The following CFAP221 variants were observed in gnomAD, a reference collection of about 807,000 sequenced individuals.
The protein encoded by CFAP221 is cilia- and flagella-associated protein 221.
In CFAP221, 97 loss-of-function variants were observed where a neutral mutation model predicts 113.1. That is an observed-to-expected ratio of 0.86 (90% CI 0.73 to 1.02). CFAP221 has a LOEUF of 1.02. CFAP221 is among the 50% of genes least tolerant of loss of function. The pLI is 0.00. For missense variants in CFAP221, 1,025 were observed against 1,013.4 expected, an observed-to-expected ratio of 1.01 and a Z score of -0.16; for synonymous variants, 331 against 354.4, an observed-to-expected ratio of 0.93 and a Z score of 0.74.
At chr2:119,639,916 TG>T in intron 21 of CFAP221, 44 bp downstream of exon 21, 1 of 1,495,630 alleles carries the variant, frequency 6.7e-7, no homozygotes. Context: ...GTGTGCCCCA[TG>T]TATTACAGAG....
At chr2:119,630,989 T>A in intron 19 of CFAP221, 88 bp downstream of exon 19, 1 of 1,494,416 alleles carries the variant, frequency 6.7e-7, no homozygotes, top group Non-Finnish European at 9.0e-7. Flanking sequence ...ATTGGGAATA[T>A]TTTTTCTCTT....
chr2:119,586,498 C>A (rs1683232241), intron 6 of CFAP221, among the ~76,000 whole-genome samples: 1 of 152,192 alleles, frequency 6.6e-6, no homozygotes, highest in Admixed American at 6.5e-5. Flanking sequence ...GGTGACAGAC[C>A]ATTTCTGAAT....
intron 11 of CFAP221, among the ~76,000 whole-genome samples, chr2:119,605,549 C>A (rs1684678476): frequency 6.6e-6 from 1 of 152,166 alleles, no homozygotes; most frequent in Admixed American, 6.5e-5. Flanking sequence ...GCTGCTGGCA[C>A]CCCCTCACCC....
intron 6 of CFAP221, among the ~76,000 whole-genome samples, chr2:119,567,507 T>TA (rs1370358831): frequency 1.3e-5 from 2 of 152,240 alleles, no homozygotes; most frequent in African/African-American, 4.8e-5. Context: ...ACAGTTTACT[T>TA]ATTCATCCAC....
chr2:119,576,267 G>A lies in CFAP221; in HGVS notation c.528-10852G>A, dbSNP rs1168474156. ...ACACAGGTAAACCCATTTCACAGGG[G>A]TTTATTTTACAGATCATTTCATTAC... is the stretch of plus-strand genomic sequence containing the variant. On this transcript the variant is annotated intron_variant, in intron 6 of 23. Transcript: ENST00000413369. 2.6e-5 allele frequency among the ~76,000 whole-genome samples: 4 copies of A among 152,176 alleles called. No individual in the cohort carries two copies. In the East Asian group the frequency reaches 7.7e-4, roughly 29 times the overall value.
At chr2:119,584,111 G>A (rs1227674011) in intron 6 of CFAP221, among the ~76,000 whole-genome samples, 2 of 152,078 alleles carry the variant, frequency 1.3e-5, no homozygotes, top group East Asian at 3.9e-4. Flanking sequence ...ATAAATTAGA[G>A]ACATACCATG....
chr2:119,659,116 T>C (rs916378587), downstream of CFAP221, among the ~76,000 whole-genome samples: 14 of 152,190 alleles, frequency 9.2e-5, no homozygotes, highest in African/African-American at 3.4e-4. Flanking sequence ...TCCCCTACAG[T>C]GAGCAGCTTA....
chr2:119,639,006 G>A (rs977799390), intron 20 of CFAP221, among the ~76,000 whole-genome samples: 6 of 151,998 alleles, frequency 3.9e-5, no homozygotes, highest in Admixed American at 2.0e-4. Context: ...TCTGTTTTAT[G>A]GACTTTGTGT....
chr2:119,643,316 G>A (rs563936961), intron 21 of CFAP221, among the ~76,000 whole-genome samples: 1 of 152,106 alleles, frequency 6.6e-6, no homozygotes, highest in African/African-American at 2.4e-5. Context: ...TTTTGTATTC[G>A]TAATAATCGA....
At position 119,607,587 on chromosome 2, in the gene CFAP221, A is replaced by G. The variant is rs558470388; in HGVS notation, c.1134-915A>G. On this transcript the variant is annotated intron_variant, in intron 11 of 23. Transcript: ENST00000413369. ...GTTTTTAGTAAATCCACAATGTTGC[A>G]TGACCATCACCACTACCCAATTCCA... Among the ~76,000 whole-genome samples the G allele has an allele frequency of 9.1e-4, 138 of 152,316 alleles. 1 individual carries two copies. The highest frequency in any genetic ancestry group is 6.8e-3 in the Middle Eastern group (2 of 294).
chr2:119,619,238 A>G (rs1685727388), intron 14 of CFAP221, among the ~76,000 whole-genome samples: 1 of 152,222 alleles, frequency 6.6e-6, no homozygotes, highest in Non-Finnish European at 1.5e-5. Flanking sequence ...AAGCTCTGCT[A>G]AGGGACAGAC....
chr2:119,582,851 A>G (rs1682943707), intron 6 of CFAP221, among the ~76,000 whole-genome samples: 1 of 151,742 alleles, frequency 6.6e-6, no homozygotes. Flanking sequence ...AAAAGTAGAA[A>G]TATAAAAGCA....
At chr2:119,578,975 G>A (rs2104591682) in intron 6 of CFAP221, among the ~76,000 whole-genome samples, 1 of 152,208 alleles carries the variant, frequency 6.6e-6, no homozygotes, top group East Asian at 1.9e-4. Context: ...TTTGCTTTCT[G>A]TAAGGCAAAT....
At chr2:119,647,521 G>A (rs1028444728) in intron 22 of CFAP221, among the ~76,000 whole-genome samples, 9 of 152,188 alleles carry the variant, frequency 5.9e-5, no homozygotes, top group African/African-American at 2.2e-4. Context: ...CAGCAGAGCT[G>A]AGAATGGGAA....
chr2:119,568,497 C>A (rs11684478), intron 6 of CFAP221, among the ~76,000 whole-genome samples: 35 of 152,036 alleles, frequency 2.3e-4, no homozygotes, highest in South Asian at 2.3e-3. Flanking sequence ...CCGTGCCCCC[C>A]ACCTCCCGAC....
intron 18 of CFAP221, 23 bp from the exon 19 acceptor site, chr2:119,630,744 G>C (rs72965039): frequency 6.2e-7 from 1 of 1,608,220 alleles, no homozygotes; most frequent in African/African-American, 1.3e-5. Flanking sequence ...CAAAACTAAC[G>C]TGCTGTCCTT....
At position 119,594,229 on chromosome 2, in the gene CFAP221, CT is replaced by C. The variant is rs1273824137; in HGVS notation, c.632-6984del. 8.8e-4 allele frequency among the ~76,000 whole-genome samples: 133 copies of C among 151,944 alleles called. 2 individuals are homozygous for C. Among genetic ancestry groups the C allele is most frequent in the African/African-American group, 3.0e-3 (126 of 41,466 alleles). On this transcript the variant is annotated intron_variant, in intron 7 of 23. Coordinates refer to ENST00000413369, the MANE Select transcript of CFAP221 (RefSeq NM_001271049.2). ...ACTACTTGTGTCCTGAGGTTGTCCTCTTTTTCATGTGTATTTTTTTTTTTTG... is the reference window on the plus strand; with the variant it reads ...ACTACTTGTGTCCTGAGGTTGTCCTCTTTTCATGTGTATTTTTTTTTTTTG...
chr2:119,609,730 AAC>A (rs1685022226), intron 12 of CFAP221, among the ~76,000 whole-genome samples: 1 of 152,192 alleles, frequency 6.6e-6, no homozygotes, highest in African/African-American at 2.4e-5. Flanking sequence ...TTCAACCCAT[AAC>A]ACAGATTTTT....
intron 6 of CFAP221, among the ~76,000 whole-genome samples, chr2:119,566,971 CTT>C (rs1681691718): frequency 1.3e-5 from 2 of 151,954 alleles, no homozygotes. Context: ...TTTTTGAAGA[CTT>C]TATATTCTTA....
Sources: allele counts gnomAD v4.1 joint callset (sites outside exome capture counted in the v4.1 genomes callset), GRCh38; gene constraint gnomAD v4.1.1; transcripts MANE v1.5; gene names NCBI Gene and HGNC (gene_info 2026-07-23, HGNC 2026-07-21).